Variants in GPBP1 observed in about 807,000 individuals in gnomAD.
The protein encoded by GPBP1 is GC-rich promoter binding protein 1.
In GPBP1, 13 loss-of-function variants were observed where a neutral mutation model predicts 56.5. The observed-to-expected ratio is 0.23, with a 90% CI of 0.15 to 0.37. GPBP1 has a LOEUF of 0.37. Among genes scored for constraint, GPBP1 ranks in the 10% least tolerant of loss-of-function variants. The pLI, the probability that GPBP1 is intolerant of heterozygous loss-of-function variation, is 1.00. For synonymous variants in GPBP1, 204 were observed against 188.9 expected (o/e 1.08, Z -0.66); for missense variants, 477 against 572.3 (o/e 0.83, Z 1.70).
intron 2 of GPBP1, among the ~76,000 whole-genome samples, chr5:57,200,360 ATTTTTT>A (rs70999063): frequency 1.4e-5 from 1 of 69,774 alleles, no homozygotes; most frequent in Non-Finnish European, 2.6e-5. Context: ...ATAAGTTTGA[ATTTTTT>A]TTTTTTTTTT....
intron 2 of GPBP1, among the ~76,000 whole-genome samples, chr5:57,187,003 AGTGTGTGTGTGTGTGTGTGT>A (rs66642664): frequency 2.0e-5 from 3 of 146,674 alleles, no homozygotes; most frequent in South Asian, 2.2e-4. Context: ...GACTCAGAGA[AGTGTGTGTGTGTGTGTGTGT>A]GTGTGTGTGT....
intron 7 of GPBP1, 142 bp from the exon 8 acceptor site, chr5:57,246,933 G>A: frequency 1.8e-6 from 1 of 556,476 alleles, no homozygotes; most frequent in East Asian, 3.1e-5. Context: ...AGAGAACTAT[G>A]TAGGAATAAT....
intron 2 of GPBP1, among the ~76,000 whole-genome samples, chr5:57,193,772 A>G (rs893289731): frequency 6.6e-6 from 1 of 152,172 alleles, no homozygotes; most frequent in Non-Finnish European, 1.5e-5. Context: ...CAGAAAAAAA[A>G]TGGATTAAGA....
At chr5:57,239,363 C>T (rs1740707702) in intron 6 of GPBP1, among the ~76,000 whole-genome samples, 2 of 152,070 alleles carry the variant, frequency 1.3e-5, no homozygotes, top group African/African-American at 4.8e-5. Flanking sequence ...ACGTTGAGAG[C>T]CCCCGTTAAA....
At position 57,264,496 on chromosome 5, in the gene GPBP1, T is replaced by C. The variant is rs919538849; in HGVS notation, c.*1744T>C. 6.6e-6 allele frequency: 1 copy of C among 152,194 alleles called. No homozygotes were observed. Among genetic ancestry groups the C allele is most frequent in the Non-Finnish European group, 1.5e-5 (1 of 68,014 alleles). 9.4% of individuals were successfully genotyped at this position (152,194 alleles called of 1,614,324 possible). A position where few individuals can be genotyped will look rare whatever the true frequency, so the allele number is the denominator to read the frequency against. On this transcript the variant is annotated 3_prime_UTR_variant, in exon 12 of 12. Coordinates refer to ENST00000506184, the MANE Select transcript of GPBP1 (RefSeq NM_022913.4). The stretch of plus-strand genomic sequence containing the variant: ...GGTTTACATTTGAGATCCACCTTAC[T>C]GTGTTTTCTACTTTCAGAAAAGATT...
intron 3 of GPBP1, among the ~76,000 whole-genome samples, chr5:57,226,726 A>G: frequency 2.2e-5 from 1 of 46,330 alleles, no homozygotes; most frequent in East Asian, 4.8e-4. Context: ...TAATTTTTGT[A>G]TTCTTTTTTT....
At chr5:57,202,279 C>T (rs1050056215) in intron 2 of GPBP1, among the ~76,000 whole-genome samples, 1 of 152,044 alleles carries the variant, frequency 6.6e-6, no homozygotes, top group East Asian at 1.9e-4. Flanking sequence ...ACCAGTGGGC[C>T]TGGCTCCAGC....
intron 2 of GPBP1, among the ~76,000 whole-genome samples, chr5:57,186,253 G>T (rs1369848594): frequency 1.3e-5 from 2 of 151,810 alleles, no homozygotes; most frequent in Non-Finnish European, 2.9e-5. Flanking sequence ...AAATTAAGTG[G>T]GCATGGTGGC....
At chr5:57,239,146 T>C (rs1315412678) in intron 6 of GPBP1, among the ~76,000 whole-genome samples, 1 of 152,226 alleles carries the variant, frequency 6.6e-6, no homozygotes, top group Non-Finnish European at 1.5e-5. Flanking sequence ...CTGTCTTATA[T>C]GAAAACAGTT....
At chr5:57,218,048 T>C (rs1755774114) in intron 3 of GPBP1, among the ~76,000 whole-genome samples, 1 of 152,046 alleles carries the variant, frequency 6.6e-6, no homozygotes, top group South Asian at 2.1e-4. Context: ...TTCTAGACTA[T>C]AAGACCTGTG....
In GPBP1 at chr5:57,238,968, G is replaced by T. The variant is rs374521175; in HGVS notation, c.478+2936G>T. ...TTTGCCACAAGCATACAGATTGAGT[G>T]ACATAATTGCATTCAGTGAGGTAAA... On this transcript the variant is annotated intron_variant, in intron 6 of 11. Transcript: ENST00000506184. 5.9e-5 allele frequency among the ~76,000 whole-genome samples: 9 copies of T among 152,176 alleles called. No homozygotes were observed. In the East Asian group the frequency reaches 7.7e-4, roughly 13 times the overall value.
rs2111984226 is a variant in GPBP1, at chr5:57,262,904, ATG to A, written c.*154_*155del. The A allele has an allele frequency of 1.6e-6, 1 of 621,186 alleles. No homozygotes were observed. The highest frequency in any genetic ancestry group is 2.2e-5 in the South Asian group (1 of 44,546). 38.5% of individuals were successfully genotyped at this position (621,186 alleles called of 1,614,324 possible). A position where few individuals can be genotyped will look rare whatever the true frequency, so the allele number is the denominator to read the frequency against. The stretch of plus-strand genomic sequence containing the variant: ...GACTTCAATATGAAGAAAACCAAGA[ATG>A]TTTTGTTGGGCTGTGTTGAACATTA... On this transcript the variant is annotated 3_prime_UTR_variant, in exon 12 of 12. Transcript: ENST00000506184.
In GPBP1 at chr5:57,235,989, G is replaced by A; in HGVS notation, c.435G>A (p.Glu145=). ...EDFPSLNPEY[E]REPNHNKSLA... is the part of the protein sequence containing the mutation. ...AGCCGTCTTTAAATCCTGAGTATGA[G>A]AGAGAACCAAATCACAATAAGTCTT... Residue 145 remains glutamate (E), a synonymous_variant, in exon 6 of 12, where the codon GAG becomes GAA. Coordinates refer to ENST00000506184, the MANE Select transcript of GPBP1 (RefSeq NM_022913.4). 6.2e-7 allele frequency: 1 copy of A among 1,612,002 alleles called. No homozygotes were observed. The highest frequency in any genetic ancestry group is 8.5e-7 in the Non-Finnish European group (1 of 1,178,302).
At chr5:57,249,717 C>T (rs1442877983) in intron 9 of GPBP1, 141 bp downstream of exon 9, 4 of 582,434 alleles carry the variant, frequency 6.9e-6, no homozygotes, top group African/African-American at 4.0e-5. Context: ...AATGACTTGG[C>T]TTCTCCCCTC....
chr5:57,223,471 G>A (rs1756041323), intron 3 of GPBP1, among the ~76,000 whole-genome samples: 1 of 152,026 alleles, frequency 6.6e-6, no homozygotes, highest in African/African-American at 2.4e-5. Context: ...ACCTTATCAT[G>A]GTTGAAACTT....
intron 2 of GPBP1, among the ~76,000 whole-genome samples, chr5:57,202,421 T>G (rs1755058619): frequency 6.6e-6 from 1 of 152,040 alleles, no homozygotes; most frequent in Admixed American, 6.6e-5. Context: ...CCTGAGTAGC[T>G]GGAATTATAG....
intron 2 of GPBP1, among the ~76,000 whole-genome samples, chr5:57,203,454 G>T (rs1755102488): frequency 6.6e-6 from 1 of 152,056 alleles, no homozygotes; most frequent in Non-Finnish European, 1.5e-5. Flanking sequence ...TGGGCAACAT[G>T]GCAAAACCCT....
intron 2 of GPBP1, among the ~76,000 whole-genome samples, chr5:57,183,406 A>G (rs1478739027): frequency 6.6e-6 from 1 of 152,170 alleles, no homozygotes; most frequent in Non-Finnish European, 1.5e-5. Flanking sequence ...AAACATATGT[A>G]CAACTCTTAA....
chr5:57,261,316 A>C, intron 11 of GPBP1, 34 bp downstream of exon 11: 1 of 1,154,848 alleles, frequency 8.7e-7, no homozygotes, highest in Non-Finnish European at 1.3e-6. Flanking sequence ...CTTCACTTTT[A>C]AACTGCCCTT....
Sources: allele counts gnomAD v4.1 joint callset (sites outside exome capture counted in the v4.1 genomes callset), GRCh38; gene constraint gnomAD v4.1.1; transcripts MANE v1.5; gene names NCBI Gene and HGNC (gene_info 2026-07-23, HGNC 2026-07-21).